Variants in SFMBT2 observed in about 807,000 individuals in gnomAD.
The protein encoded by SFMBT2 is scm-like with four MBT domains protein 2.
SFMBT2 carries 38 observed loss-of-function variants against 110.1 expected under a neutral mutation model. The observed-to-expected ratio is 0.35, with a 90% confidence interval of 0.27 to 0.45. The LOEUF (loss-of-function observed/expected upper bound fraction) is 0.45, where lower values mean the gene tolerates loss of function less well. Ranked by LOEUF, SFMBT2 falls within the 20% of genes least tolerant of loss-of-function variation. The pLI, the probability that SFMBT2 is intolerant of heterozygous loss-of-function variation, is 1.00. For synonymous variants in SFMBT2, 425 were observed against 425.4 expected (o/e 1.00, Z 0.01); for missense variants, 1,011 against 1,094.9 (o/e 0.92, Z 1.08).
chr10:7,376,710 A>AAG (rs1845221493), intron 2 of SFMBT2, among the ~76,000 whole-genome samples: 1 of 146,504 alleles, frequency 6.8e-6, no homozygotes, highest in Admixed American at 6.8e-5. Flanking sequence ...AAAAAAAAAA[A>AAG]AAAAAAGGCC....
chr10:7,196,031 A>C (rs117637081), intron 15 of SFMBT2, among the ~76,000 whole-genome samples: 66 of 152,312 alleles, frequency 4.3e-4, no homozygotes, highest in Non-Finnish European at 7.9e-4. Flanking sequence ...ATGACCAGGA[A>C]GAGAAAATGC....
intron 20 of SFMBT2, among the ~76,000 whole-genome samples, chr10:7,165,257 A>C (rs1837667466): frequency 6.6e-6 from 1 of 152,248 alleles, no homozygotes; most frequent in African/African-American, 2.4e-5. Context: ...ATAAGCCACA[A>C]GGACATTAAT....
At chr10:7,199,036 T>C (rs991304010) in intron 14 of SFMBT2, among the ~76,000 whole-genome samples, 8 of 152,214 alleles carry the variant, frequency 5.3e-5, no homozygotes, top group African/African-American at 1.9e-4. Context: ...TGGAATGCAG[T>C]GGTGCAATCT....
intron 4 of SFMBT2, among the ~76,000 whole-genome samples, chr10:7,317,641 CAAA>C (rs56181512): frequency 1.1e-5 from 1 of 92,848 alleles, no homozygotes; most frequent in Non-Finnish European, 2.0e-5. Context: ...AACTCCGTCT[CAAA>C]AAAAAAAAAA....
intron 11 of SFMBT2, among the ~76,000 whole-genome samples, chr10:7,217,602 G>A (rs1279089669): frequency 6.6e-6 from 1 of 152,156 alleles, no homozygotes; most frequent in Non-Finnish European, 1.5e-5. Context: ...TAAAGAGCTA[G>A]GAGAGCATAC....
intron 7 of SFMBT2, among the ~76,000 whole-genome samples, chr10:7,269,376 C>T (rs1403823307): frequency 6.6e-6 from 1 of 152,212 alleles, no homozygotes; most frequent in African/African-American, 2.4e-5. Flanking sequence ...GACAACCACA[C>T]AGACGTGTGA....
In SFMBT2 at chr10:7,367,577, G is replaced by C; in HGVS notation, c.436+72C>G. Reference sequence around the variant, plus strand: ...AGGGATTCTACGCAAGGTTCTCTCTGCTCCTTGCAAAATTACAGGCGTCAT... The same window carrying C: ...AGGGATTCTACGCAAGGTTCTCTCTCCTCCTTGCAAAATTACAGGCGTCAT... On this transcript the variant is annotated intron_variant, in intron 4 of 20. Transcript: ENST00000397167. The surrounding 1 kb of genome is among the most constrained non-coding windows in gnomAD (Gnocchi z 6.2). 1.3e-6 allele frequency: 2 copies of C among 1,558,094 alleles called. No individual in the cohort carries two copies. Among genetic ancestry groups the C allele is most frequent in the African/African-American group, 2.7e-5 (2 of 74,138 alleles).
At chr10:7,207,123 G>A (rs1839162226) in intron 11 of SFMBT2, among the ~76,000 whole-genome samples, 1 of 152,146 alleles carries the variant, frequency 6.6e-6, no homozygotes, top group Non-Finnish European at 1.5e-5. Flanking sequence ...TACTCAGGAG[G>A]CCGAGGCAGG....
chr10:7,317,853 C>A (rs1460346163), intron 4 of SFMBT2, among the ~76,000 whole-genome samples: 1 of 152,066 alleles, frequency 6.6e-6, no homozygotes, highest in Non-Finnish European at 1.5e-5. Context: ...TGGTGGGCGT[C>A]ATTTGGAAGA....
intron 4 of SFMBT2, among the ~76,000 whole-genome samples, chr10:7,311,475 T>A (rs1048439034): frequency 3.9e-5 from 6 of 152,232 alleles, no homozygotes; most frequent in African/African-American, 4.8e-5. Flanking sequence ...AATAAATCTA[T>A]CACATCCTCC....
At chr10:7,410,781 A>C (rs2245569) in intron 1 of SFMBT2, among the ~76,000 whole-genome samples, 80 bp downstream of exon 1, 1 of 139,126 alleles carries the variant, frequency 7.2e-6, no homozygotes, top group Non-Finnish European at 1.5e-5. Flanking sequence ...GCCCCTGACC[A>C]GCGCACTCAA....
chr10:7,253,985 A>G (rs950472434), intron 7 of SFMBT2, among the ~76,000 whole-genome samples: 56 of 152,306 alleles, frequency 3.7e-4, no homozygotes, highest in African/African-American at 1.3e-3. Context: ...TTGATGAATG[A>G]CGATTTCAGA....
intron 16 of SFMBT2, among the ~76,000 whole-genome samples, chr10:7,180,045 T>C (rs1838197923): frequency 6.6e-6 from 1 of 152,166 alleles, no homozygotes; most frequent in South Asian, 2.1e-4. Flanking sequence ...GCGTGCTGCC[T>C]GGACCCCTTC....
chr10:7,298,688 T>C (rs1440441800), intron 4 of SFMBT2, among the ~76,000 whole-genome samples: 1 of 152,220 alleles, frequency 6.6e-6, no homozygotes, highest in Non-Finnish European at 1.5e-5. Flanking sequence ...TGTATACGTG[T>C]ACTTGCATAT....
Position 7,200,313 on chromosome 10 carries a change from A to C in SFMBT2, c.1558+101T>G, listed in dbSNP as rs1045305406. ...CAATGGAGAAAAACAGAATAGGCTC[A>C]ACGTTGAGATGTATTCATATCGACC... is the stretch of plus-strand genomic sequence containing the variant. On this transcript the variant is annotated intron_variant, in intron 14 of 20. Coordinates refer to ENST00000397167, the MANE Select transcript of SFMBT2 (RefSeq NM_001387889.1). 4.5e-6 allele frequency: 4 copies of C among 898,798 alleles called. No individual in the cohort carries two copies. The Admixed American group carries it at 1.2e-4, about 28-fold the overall frequency. The allele number at this position is 898,798 out of a possible 1,614,324, so 55.7% of individuals were successfully genotyped here.
intron 4 of SFMBT2, among the ~76,000 whole-genome samples, chr10:7,351,141 G>C (rs996455044): frequency 2.0e-5 from 3 of 152,184 alleles, no homozygotes; most frequent in African/African-American, 7.2e-5. Flanking sequence ...ATCAAGTAAT[G>C]TGATTGTTGT....
Position 7,220,546 on chromosome 10 carries a change from G to C in SFMBT2, c.1204-9C>G. 1 of 1,613,938 alleles carries C rather than the reference G, an allele frequency of 6.2e-7. No homozygotes were observed. Among genetic ancestry groups the C allele is most frequent in the Non-Finnish European group, 8.5e-7 (1 of 1,179,898 alleles). ...CCTCGACTGAATGATGTCTGCAAGA[G>C]AAACGAGACCAACACTGAGCCAGTG... On this transcript the variant is annotated splice_polypyrimidine_tract_variant and intron_variant, in intron 10 of 20. Transcript: ENST00000397167.
chr10:7,256,617 A>T (rs1841014780), intron 7 of SFMBT2, among the ~76,000 whole-genome samples: 1 of 152,246 alleles, frequency 6.6e-6, no homozygotes. Context: ...TGTGCAGCAA[A>T]ATGTCCACAG....
intron 4 of SFMBT2, among the ~76,000 whole-genome samples, chr10:7,362,489 T>C (rs998019665): frequency 3.3e-5 from 5 of 152,214 alleles, no homozygotes; most frequent in Admixed American, 6.5e-5. Flanking sequence ...AAAACCACTT[T>C]CTTTCAATGC....
Sources: gnomAD v4.1 joint callset for allele counts (sites outside exome capture counted in the v4.1 genomes callset) on GRCh38, gnomAD v4.1.1 for gene constraint, Gnocchi (gnomAD v3.1) non-coding constraint, MANE v1.5 for transcripts, NCBI Gene and HGNC (gene_info 2026-07-23, HGNC 2026-07-21) for gene names.